EPB41L2: variants seen among roughly 807,000 people sequenced by gnomAD.
EPB41L2 encodes the protein band 4.1-like protein 2.
In EPB41L2, 43 loss-of-function variants were observed where a neutral mutation model predicts 113.0. The observed-to-expected ratio is 0.38, with a 90% CI of 0.30 to 0.49. The LOEUF is 0.49. Ranked by LOEUF, EPB41L2 falls within the 20% of genes least tolerant of loss-of-function variation. The pLI, the probability that EPB41L2 is intolerant of heterozygous loss-of-function variation, is 0.95. For missense variants in EPB41L2, 1,147 were observed against 1,223.4 expected (o/e 0.94, Z 0.93); for synonymous variants, 442 against 436.7 (o/e 1.01, Z -0.15).
At chr6:130,916,613 C>T (rs1308022644) in intron 4 of EPB41L2, among the ~76,000 whole-genome samples, 2 of 152,154 alleles carry the variant, frequency 1.3e-5, no homozygotes, top group Non-Finnish European at 2.9e-5. Flanking sequence ...CACTAGGACT[C>T]CCCTCCTCCC....
At chr6:130,926,503 C>T (rs1199539352) in intron 4 of EPB41L2, 102 bp downstream of exon 4, 2 of 838,864 alleles carry the variant, frequency 2.4e-6, no homozygotes, top group East Asian at 2.7e-5. Context: ...TCATAATAAA[C>T]ACCTAAGTTA....
chr6:130,945,918 C>A (rs961710044), intron 3 of EPB41L2, among the ~76,000 whole-genome samples: 2 of 152,006 alleles, frequency 1.3e-5, no homozygotes, highest in Non-Finnish European at 2.9e-5. Context: ...AGAGTCAAGT[C>A]CCTGAAGTAA....
intron 1 of EPB41L2, among the ~76,000 whole-genome samples, chr6:130,994,789 A>G: frequency 6.6e-6 from 1 of 152,220 alleles, no homozygotes; most frequent in Admixed American, 6.5e-5. Context: ...CTTAGGGCAA[A>G]CCTGACTCCC....
At chr6:131,037,581 T>G (rs530501734) in intron 1 of EPB41L2, among the ~76,000 whole-genome samples, 69 of 131,950 alleles carry the variant, frequency 5.2e-4, no homozygotes, top group African/African-American at 1.9e-3. Flanking sequence ...TTTGAAAACC[T>G]AAAATTTTTT....
chr6:130,931,956 C>T (rs906691549), intron 3 of EPB41L2, among the ~76,000 whole-genome samples: 2 of 152,098 alleles, frequency 1.3e-5, no homozygotes, highest in African/African-American at 2.4e-5. Flanking sequence ...GCCTCAGTTC[C>T]GCTCTTTAAA....
At chr6:130,991,280 T>C (rs1584330668) in intron 1 of EPB41L2, among the ~76,000 whole-genome samples, 1 of 152,164 alleles carries the variant, frequency 6.6e-6, no homozygotes, top group African/African-American at 2.4e-5. Context: ...TATGTCCTCT[T>C]CCACACACAC....
chr6:130,927,100 T>G (rs1805018912), intron 3 of EPB41L2, among the ~76,000 whole-genome samples: 2 of 152,216 alleles, frequency 1.3e-5, no homozygotes, highest in African/African-American at 4.8e-5. Context: ...AGCCCTATTA[T>G]TCAGTAGATC....
In EPB41L2 at chr6:130,899,404, T is replaced by C. The variant is rs1445228722; in HGVS notation, c.1236+87A>G. The C allele has an allele frequency of 3.9e-6, 4 of 1,033,602 alleles. No individual in the cohort carries two copies. The African/African-American group carries it at 6.4e-5, about 17-fold the overall frequency. The allele number at this position is 1,033,602 out of a possible 1,614,324, so 64.0% of individuals were successfully genotyped here. A position where few individuals can be genotyped will look rare whatever the true frequency, so the allele number is the denominator to read the frequency against. On this transcript the variant is annotated intron_variant, in intron 8 of 19. Transcript: ENST00000337057. ...AAAGCAAATATCCTTTTCCCAAAAA[T>C]AAGCTGTGCTATCCTGAAACTGGAG...
At chr6:131,031,670 C>T (rs924602978) in intron 1 of EPB41L2, among the ~76,000 whole-genome samples, 1 of 152,046 alleles carries the variant, frequency 6.6e-6, no homozygotes, top group African/African-American at 2.4e-5. Context: ...ACATTTACAA[C>T]CAAAAGAAAC....
At chr6:130,885,334 C>A in intron 11 of EPB41L2, 66 bp from the exon 12 acceptor site, 1 of 1,541,818 alleles carries the variant, frequency 6.5e-7, no homozygotes, top group South Asian at 1.1e-5. Context: ...TGGAAAATTT[C>A]CCCCTTACAG....
At chr6:130,851,548 A>G (rs1199676739) in intron 19 of EPB41L2, among the ~76,000 whole-genome samples, 2 of 152,286 alleles carry the variant, frequency 1.3e-5, no homozygotes, top group East Asian at 3.9e-4. Context: ...CATGACACCT[A>G]ATGTTCTCCC....
intron 6 of EPB41L2, among the ~76,000 whole-genome samples, chr6:130,903,036 G>A (rs1796722593): frequency 6.6e-6 from 1 of 152,174 alleles, no homozygotes; most frequent in African/African-American, 2.4e-5. Context: ...GAGAACTTTA[G>A]TTAGCTGAGC....
At chr6:131,034,453 C>T (rs1011575921) in intron 1 of EPB41L2, among the ~76,000 whole-genome samples, 2 of 152,064 alleles carry the variant, frequency 1.3e-5, no homozygotes, top group East Asian at 1.9e-4. Context: ...ACAAAAAGTG[C>T]GAAAATTAGC....
At chr6:131,035,062 G>C (rs897478473) in intron 1 of EPB41L2, among the ~76,000 whole-genome samples, 5 of 152,154 alleles carry the variant, frequency 3.3e-5, no homozygotes, top group African/African-American at 1.2e-4. Context: ...ACCAGTTTGG[G>C]AGCTCTTAGT....
Position 130,841,850 on chromosome 6 carries a change from A to G in EPB41L2, c.*6-1252T>C, listed in dbSNP as rs192879304. Among the ~76,000 whole-genome samples, 5 of 152,374 alleles carry G rather than the reference A, an allele frequency of 3.3e-5. No individual in the cohort carries two copies. In the East Asian group the frequency reaches 7.7e-4, roughly 23 times the overall value. ...ATAGAACTAAGTCTCATGTGAGCATAGGAATAAATGAAAGCCACAGAGTCT... is the reference window on the plus strand; with the variant it reads ...ATAGAACTAAGTCTCATGTGAGCATGGGAATAAATGAAAGCCACAGAGTCT... On this transcript the variant is annotated intron_variant, in intron 19 of 19. Transcript: ENST00000337057.
At chr6:131,025,589 A>G (rs2128744878) in intron 1 of EPB41L2, among the ~76,000 whole-genome samples, 1 of 152,132 alleles carries the variant, frequency 6.6e-6, no homozygotes, top group Admixed American at 6.5e-5. Flanking sequence ...TTCCCACAAA[A>G]CTGACTCCCC....
At chr6:130,929,857 T>TCTCACACACACACA (rs1491200686) in intron 3 of EPB41L2, among the ~76,000 whole-genome samples, 1 of 123,372 alleles carries the variant, frequency 8.1e-6, no homozygotes, top group African/African-American at 2.9e-5. Context: ...AGACAGACAG[T>TCTCACACACACACA]CACACACACA....
chr6:130,998,425 G>T (rs531253516), intron 1 of EPB41L2, among the ~76,000 whole-genome samples: 112 of 152,216 alleles, frequency 7.4e-4, no homozygotes, highest in African/African-American at 2.6e-3. Context: ...AGTAACACTT[G>T]CAAAACACTG....
intron 3 of EPB41L2, among the ~76,000 whole-genome samples, chr6:130,953,937 T>A (rs1365997489): frequency 1.3e-5 from 2 of 150,564 alleles, no homozygotes; most frequent in Admixed American, 1.3e-4. Flanking sequence ...AATAAATTCA[T>A]GTTGTTTTTA....
Sources: gnomAD v4.1 joint callset for allele counts (sites outside exome capture counted in the v4.1 genomes callset) on GRCh38, gnomAD v4.1.1 for gene constraint, MANE v1.5 for transcripts, NCBI Gene and HGNC (gene_info 2026-07-23, HGNC 2026-07-21) for gene names.